The following CUL7 variants were observed in gnomAD, a reference collection of about 807,000 sequenced individuals.
The protein encoded by CUL7 is cullin 7, also known as cullin-7.
Under a neutral mutation model 177.7 loss-of-function variants are expected in CUL7, and 96 were observed. The observed-to-expected ratio is 0.54, with a 90% CI of 0.46 to 0.64. The LOEUF is 0.64. CUL7 is among the 30% of genes least tolerant of loss of function. CUL7 has a pLI of 0.00. For missense variants in CUL7, 1,893 were observed against 2,187.9 expected (o/e 0.87, Z 2.69); for synonymous variants, 824 against 890.2 (o/e 0.93, Z 1.32).
rs754570264 is a variant in CUL7 at position 43,051,137 on chromosome 6, C to T, written c.1064G>A (p.Arg355Lys). The T allele has an allele frequency of 8.7e-6, 14 of 1,614,120 alleles. No individual in the cohort carries two copies. The highest frequency in any genetic ancestry group is 1.7e-5 in the Admixed American group (1 of 60,000). Reference protein sequence around the residue: ...AQAQPSFRRSRRFRPRSEFAS... With the variant: ...AQAQPSFRRSKRFRPRSEFAS... ...GAACTCAGAACGAGGGCGAAAACGT[C>T]TTGACCTCCTGAAGGAGGGCTGAGC... Residue 355 changes from arginine (R) to lysine (K), a missense_variant, in exon 4 of 26, where the codon AGA (arginine) becomes AAA (lysine). Coordinates refer to ENST00000265348, the MANE Select transcript of CUL7 (RefSeq NM_014780.5). This position sits in a 1 kb window ranked among gnomAD's most constrained non-coding sequence, Gnocchi z 5.0.
chr6:43,048,294 T>C (rs776186318), intron 8 of CUL7, 38 bp downstream of exon 8: 1 of 1,595,630 alleles, frequency 6.3e-7, no homozygotes, highest in African/African-American at 1.3e-5. Context: ...ATGGACCCCC[T>C]TTGCCCTCAG....
chr6:43,044,948 A>AC, intron 15 of CUL7, 63 bp from the exon 16 acceptor site: 1 of 1,592,372 alleles, frequency 6.3e-7, no homozygotes, highest in Non-Finnish European at 8.6e-7. Flanking sequence ...CTCAGTGTCC[A>AC]CCCTTCCTAA....
At chr6:43,042,329 G>GTTTTT (rs1561877651) in intron 19 of CUL7, among the ~76,000 whole-genome samples, 1 of 151,356 alleles carries the variant, frequency 6.6e-6, no homozygotes, top group African/African-American at 2.4e-5. Flanking sequence ...ATTGTGGGGG[G>GTTTTT]TTTTTTTGTT....
At position 43,053,589 on chromosome 6, in the gene CUL7, A is replaced by C; in HGVS notation, c.-9+33T>G. 3 of 1,311,900 alleles carry C rather than the reference A, an allele frequency of 2.3e-6. No individual in the cohort carries two copies. The South Asian group carries it at 5.7e-5, about 25-fold the overall frequency. The allele number at this position is 1,311,900 out of a possible 1,614,324, so 81.3% of individuals were successfully genotyped here. On this transcript the variant is annotated intron_variant, in intron 1 of 25. Transcript: ENST00000265348. This position sits in a 1 kb window ranked among gnomAD's most constrained non-coding sequence, Gnocchi z 4.1. ...TCGATGGGCTAGTGGGCAGGGAAGG[A>C]GAAGCAAGGGGCCGCGGTGGGGCTC... is the stretch of plus-strand genomic sequence containing the variant.
At position 43,046,042 on chromosome 6, in the gene CUL7, G is replaced by C. The variant is rs760910667; in HGVS notation, c.2710C>G (p.Arg904Gly). The part of the protein sequence containing the change: ...ASEDSSYMPA[R>G]VVVCGGDSTS... ...CTATCACCCCCGCACACCACCACTC[G>C]GGCCGGCATGTAACTCGAGTCCTCA... is the stretch of plus-strand genomic sequence containing the variant. Residue 904 changes from arginine to glycine, a missense_variant, in exon 13 of 26, where the codon CGA (arginine) becomes GGA (glycine). Arg to Gly is a moderately radical substitution (Grantham distance 125). This residue lies in a region of CUL7 where 973 missense variants were observed against 1,140.9 expected (regional missense o/e 0.85). Transcript: ENST00000265348. 2 of 1,614,130 alleles carry C rather than the reference G, an allele frequency of 1.2e-6. No individual in the cohort carries two copies. Among genetic ancestry groups the C allele is most frequent in the East Asian group, 2.2e-5 (1 of 44,880 alleles).
rs199607543 is a variant in CUL7, at chr6:43,048,414, G to A, written c.1981C>T (p.Arg661Trp). 168 of 1,613,920 alleles carry A rather than the reference G, an allele frequency of 1.0e-4. No individual in the cohort carries two copies. The highest frequency in any genetic ancestry group is 3.1e-4 in the African/African-American group (23 of 75,008). ...KVKPLLLQLQ[R>W]QPQPFLALMQ... ...AGTGCCAGGAAGGGCTGCGGCTGCC[G>A]CTGCAGCTGCAGCAGGAGTGGCTTG... The change falls in exon 8 of 26, where the codon CGG (arginine) becomes TGG (tryptophan). Residue 661 changes from arginine (R) to tryptophan (W), a missense_variant. By Grantham distance (101) the Arg-to-Trp change is moderately radical (BLOSUM62 -3). Coordinates refer to ENST00000265348, the MANE Select transcript of CUL7 (RefSeq NM_014780.5).
chr6:43,048,994 G>A (rs1018321375), intron 7 of CUL7, among the ~76,000 whole-genome samples: 3 of 151,662 alleles, frequency 2.0e-5, no homozygotes, highest in African/African-American at 7.3e-5. Context: ...GGATGATCTC[G>A]ATCTCCTGAC....
intron 19 of CUL7, among the ~76,000 whole-genome samples, chr6:43,041,343 C>T (rs910105051): frequency 4.6e-5 from 7 of 152,284 alleles, no homozygotes; most frequent in East Asian, 3.9e-4. Flanking sequence ...GCGCAGTTCA[C>T]GCCTGTAATT....
At chr6:43,039,598 C>A (rs1217253275) in intron 22 of CUL7, among the ~76,000 whole-genome samples, 1 of 152,090 alleles carries the variant, frequency 6.6e-6, no homozygotes, top group African/African-American at 2.4e-5. Context: ...CACCTGCCAC[C>A]CCCAGCCACC....
chr6:43,039,945 G>T (rs1387945653), intron 22 of CUL7, among the ~76,000 whole-genome samples: 2 of 152,004 alleles, frequency 1.3e-5, no homozygotes, highest in Non-Finnish European at 2.9e-5. Flanking sequence ...CACCATGTTG[G>T]CCAAGGCTGG....
rs754816725 is a variant in CUL7, at chr6:43,037,675, C to G, written c.*13G>C. 8 of 1,550,462 alleles carry G rather than the reference C, an allele frequency of 5.2e-6. No homozygotes were observed. Among genetic ancestry groups the G allele is most frequent in the Non-Finnish European group, 7.0e-6 (8 of 1,145,896 alleles). On this transcript the variant is annotated 3_prime_UTR_variant, in exon 26 of 26. Coordinates refer to ENST00000265348, the MANE Select transcript of CUL7 (RefSeq NM_014780.5). Reference sequence around the variant, plus strand: ...AGCTCCAGCTCTACCTTCCCCTGACCCCAAGTCTAGGGCTACCGGAAGGTA... The same window carrying G: ...AGCTCCAGCTCTACCTTCCCCTGACGCCAAGTCTAGGGCTACCGGAAGGTA...
rs759392200 is a variant in CUL7, at chr6:43,046,891, C to T, written c.2386G>A (p.Gly796Ser). 8.1e-5 allele frequency: 130 copies of T among 1,601,332 alleles called. No individual in the cohort carries two copies. Among genetic ancestry groups the T allele is most frequent in the Non-Finnish European group, 1.1e-4 (126 of 1,168,494 alleles). Residue 796 changes from glycine (G) to serine (S), a missense_variant, in exon 10 of 26, where the codon GGC (glycine) becomes AGC (serine). Physicochemically the swap from Gly to Ser is moderately conservative, Grantham distance 56. Around this residue, in one of 5 missense-constraint regions of CUL7, gnomAD observed 973 missense variants for 1,140.9 expected, o/e 0.85. Coordinates refer to ENST00000265348, the MANE Select transcript of CUL7 (RefSeq NM_014780.5). ...YRKLITNILG[G>S]CIQMVLGQIE... ...CCCTTCCTCCTGACCTGGATGCAGC[C>T]TCCCAGGATGTTGGTGATGAGTTTG...
chr6:43,040,640 A>T lies in CUL7; in HGVS notation c.3913T>A (p.Leu1305Met), dbSNP rs370450817. ...CFPNRLPQQM[L>M]QSLSTSKELQ... is the part of the protein sequence containing the mutation. ...TCCTTAGAGGTGCTCAGGCTCTGCAACATCTGCTGGGGGAGGCGGTTGGGG... is the reference window on the plus strand; with the variant it reads ...TCCTTAGAGGTGCTCAGGCTCTGCATCATCTGCTGGGGGAGGCGGTTGGGG... The change falls in exon 21 of 26, where the codon TTG becomes ATG. Residue 1305 changes from leucine (L) to methionine (M), a missense_variant. Leu to Met is a conservative substitution (Grantham distance 15, BLOSUM62 2). This residue lies in a region of CUL7 where 973 missense variants were observed against 1,140.9 expected (regional missense o/e 0.85). Transcript: ENST00000265348. The surrounding 1 kb of genome is among the most constrained non-coding windows in gnomAD (Gnocchi z 4.2). The T allele has an allele frequency of 6.2e-7, 1 of 1,614,218 alleles. No individual in the cohort carries two copies. The highest frequency in any genetic ancestry group is 8.5e-7 in the Non-Finnish European group (1 of 1,180,040).
chr6:43,044,845 G>C lies in CUL7; in HGVS notation c.3079C>G (p.Arg1027Gly), dbSNP rs149152275. The C allele has an allele frequency of 5.0e-6, 8 of 1,613,768 alleles. No homozygotes were observed. The South Asian group carries it at 8.8e-5, about 18-fold the overall frequency. The change falls in exon 16 of 26, where the codon CGC (arginine) becomes GGC (glycine). Residue 1027 changes from arginine (R) to glycine (G), a missense_variant. Coordinates refer to ENST00000265348, the MANE Select transcript of CUL7 (RefSeq NM_014780.5). ...GCAGCCTCGTCATCAGGGAGGAAGC[G>C]GTCAGCAAAATTCTGCTCCTGGCGC... ...ALRQEQNFAD[R>G]FLPDDEAAQA...
intron 9 of CUL7, among the ~76,000 whole-genome samples, chr6:43,047,428 T>C (rs1764014345): frequency 6.6e-6 from 1 of 152,126 alleles, no homozygotes; most frequent in African/African-American, 2.4e-5. Flanking sequence ...AAAAACCAGT[T>C]GTAGGGCTGT....
In CUL7 at chr6:43,050,935, C is replaced by G; in HGVS notation, c.1233+33G>C. ...AGCTCTGCCCTACCCCAAATAGACC[C>G]CCAACAGTATCCCACCACCATGTGC... On this transcript the variant is annotated intron_variant, in intron 4 of 25. Transcript: ENST00000265348. The surrounding 1 kb of genome is among the most constrained non-coding windows in gnomAD (Gnocchi z 4.1). The G allele has an allele frequency of 6.2e-7, 1 of 1,612,440 alleles. No individual in the cohort carries two copies.
At position 43,043,813 on chromosome 6, in the gene CUL7, G is replaced by C. The variant is rs534612843; in HGVS notation, c.3173-183C>G. On this transcript the variant is annotated intron_variant, in intron 16 of 25. Coordinates refer to ENST00000265348, the MANE Select transcript of CUL7 (RefSeq NM_014780.5). The surrounding 1 kb of genome is among the most constrained non-coding windows in gnomAD (Gnocchi z 4.2). ...GGAGGCTGAGATGAGAGGATCGCTT[G>C]AGGCAGGAGTTCAAGACTGGCCTGG... is the stretch of plus-strand genomic sequence containing the variant. Among the ~76,000 whole-genome samples, 2 of 152,246 alleles carry C rather than the reference G, an allele frequency of 1.3e-5. No homozygotes were observed. Among genetic ancestry groups the C allele is most frequent in the East Asian group, 3.9e-4 (2 of 5,178 alleles).
chr6:43,048,247 C>T lies in CUL7; in HGVS notation c.2070G>A (p.Leu690=). 1 of 1,613,508 alleles carries T rather than the reference C, an allele frequency of 6.2e-7. No individual in the cohort carries two copies. Among genetic ancestry groups the T allele is most frequent in the African/African-American group, 1.3e-5 (1 of 75,044 alleles). ...CCTCGGGGAAGTCCACCAGCTGCTTCAGGATTCTGGGGGCAGAGAAATGTG... is the reference window on the plus strand; with the variant it reads ...CCTCGGGGAAGTCCACCAGCTGCTTTAGGATTCTGGGGGCAGAGAAATGTG... ...RTLHLTVLRI[L]KQLVDFPEAL... Residue 690 remains leucine, a synonymous_variant, in exon 9 of 26, where the codon CTG becomes CTA. Coordinates refer to ENST00000265348, the MANE Select transcript of CUL7 (RefSeq NM_014780.5).
Position 43,053,218 on chromosome 6 carries a change from T to A in CUL7, c.-9+404A>T, listed in dbSNP as rs986101314. Among the ~76,000 whole-genome samples, 1 of 150,890 alleles carries A rather than the reference T, an allele frequency of 6.6e-6. No homozygotes were observed. On this transcript the variant is annotated intron_variant, in intron 1 of 25. Coordinates refer to ENST00000265348, the MANE Select transcript of CUL7 (RefSeq NM_014780.5). The surrounding 1 kb of genome is among the most constrained non-coding windows in gnomAD (Gnocchi z 4.1). The stretch of plus-strand genomic sequence containing the variant: ...TGAAAAGGGGTGCTGTCTCTAAGGA[T>A]TGGAGCATGGGAGTGCGAGACCCAA...
Sources: allele counts gnomAD v4.1 joint callset (sites outside exome capture counted in the v4.1 genomes callset), GRCh38; gene constraint gnomAD v4.1.1; regional missense constraint gnomAD v4.1.1; non-coding constraint Gnocchi (gnomAD v3.1); transcripts MANE v1.5; gene names NCBI Gene and HGNC (gene_info 2026-07-23, HGNC 2026-07-21).